Variants in RBFOX1 observed in about 807,000 individuals in gnomAD.
RBFOX1 encodes the protein RNA binding fox-1 homolog 1, also known as RNA binding protein fox-1 homolog 1.
In RBFOX1, 8 loss-of-function variants were observed where a neutral mutation model predicts 57.7. The ratio of observed to expected loss-of-function variants is 0.14; its 90% confidence interval spans 0.08 to 0.25. The LOEUF (loss-of-function observed/expected upper bound fraction) is 0.25. Among genes scored for constraint, RBFOX1 ranks in the 10% least tolerant of loss-of-function variants. RBFOX1 has a pLI of 1.00. For synonymous variants in RBFOX1, 326 were observed against 222.4 expected, an observed-to-expected ratio of 1.47 and a Z score of -4.15; for missense variants, 611 against 548.5, an observed-to-expected ratio of 1.11 and a Z score of -1.14.
chr16:6,046,541 C>T (rs371695438), intron 1 of RBFOX1, among the ~76,000 whole-genome samples: 2 of 152,162 alleles, frequency 1.3e-5, no homozygotes, highest in South Asian at 4.2e-4. Context: ...GGGGCTATTC[C>T]TATATTCATA....
intron 2 of RBFOX1, among the ~76,000 whole-genome samples, chr16:5,546,907 A>G (rs2045230886): frequency 1.3e-5 from 2 of 152,338 alleles, no homozygotes; most frequent in African/African-American, 4.8e-5. Context: ...TCAAAACTCG[A>G]TAATAAGACA....
intron 1 of RBFOX1, among the ~76,000 whole-genome samples, chr16:5,456,692 T>C (rs2068640191): frequency 6.6e-6 from 1 of 152,178 alleles, no homozygotes; most frequent in Admixed American, 6.6e-5. Context: ...TGGATACCTC[T>C]CTTCTCTTGA....
chr16:5,515,425 G>A (rs553739435), intron 2 of RBFOX1, among the ~76,000 whole-genome samples: 3 of 152,224 alleles, frequency 2.0e-5, no homozygotes, highest in African/African-American at 7.2e-5. Flanking sequence ...GGGGCAGATT[G>A]TTTGTGAAGA....
At chr16:7,400,040 G>C (rs1032425058) in intron 4 of RBFOX1, among the ~76,000 whole-genome samples, 2 of 152,088 alleles carry the variant, frequency 1.3e-5, no homozygotes, top group Admixed American at 6.6e-5. Context: ...GGCCTTCTCT[G>C]ATTTATTGAT....
chr16:7,596,851 G>C (rs914313211), intron 8 of RBFOX1, among the ~76,000 whole-genome samples: 1 of 152,128 alleles, frequency 6.6e-6, no homozygotes, highest in Non-Finnish European at 1.5e-5. Flanking sequence ...CGATGTAAAA[G>C]GCTCTTGTTC....
chr16:6,612,204 G>A (rs960261652), intron 2 of RBFOX1, among the ~76,000 whole-genome samples: 3 of 152,090 alleles, frequency 2.0e-5, no homozygotes, highest in Admixed American at 6.5e-5. Flanking sequence ...CTCAGGGTAA[G>A]TTTAGCTTTA....
intron 10 of RBFOX1, among the ~76,000 whole-genome samples, chr16:7,623,407 C>G (rs2059603876): frequency 6.6e-6 from 1 of 152,142 alleles, no homozygotes. Flanking sequence ...TGTAACTAGA[C>G]AGTCCTGTCT....
intron 1 of RBFOX1, among the ~76,000 whole-genome samples, chr16:5,289,874 G>T (rs923335876): frequency 6.6e-6 from 1 of 152,222 alleles, no homozygotes; most frequent in Non-Finnish European, 1.5e-5. Flanking sequence ...TTCTACTCCA[G>T]TTTATGAAAG....
At chr16:6,752,867 A>C (rs2075181361) in intron 3 of RBFOX1, among the ~76,000 whole-genome samples, 1 of 151,108 alleles carries the variant, frequency 6.6e-6, no homozygotes, top group African/African-American at 2.4e-5. Flanking sequence ...CTCTCTGCTC[A>C]CATATTGCAG....
chr16:6,871,405 C>G (rs151300220), intron 3 of RBFOX1, among the ~76,000 whole-genome samples: 74 of 152,198 alleles, frequency 4.9e-4, no homozygotes, highest in Non-Finnish European at 8.2e-4. Context: ...AGGCTGGTCT[C>G]AAACTCCTGA....
At chr16:6,843,007 T>C (rs1179379353) in intron 3 of RBFOX1, among the ~76,000 whole-genome samples, 2 of 152,186 alleles carry the variant, frequency 1.3e-5, no homozygotes, top group Admixed American at 1.3e-4. Context: ...GATCTCATTC[T>C]TTTTTATGGC....
intron 3 of RBFOX1, among the ~76,000 whole-genome samples, chr16:5,833,916 G>T (rs953489803): frequency 2.0e-5 from 3 of 152,158 alleles, no homozygotes; most frequent in Non-Finnish European, 2.9e-5. Flanking sequence ...CCATACTAGG[G>T]TGGAAGAGGA....
chr16:6,288,814 G>A (rs2077161498), intron 1 of RBFOX1, among the ~76,000 whole-genome samples: 2 of 152,108 alleles, frequency 1.3e-5, no homozygotes, highest in Admixed American at 1.3e-4. Context: ...TGTGTTTTTA[G>A]TAATACCTGC....
chr16:5,473,417 T>G (rs1328630812), intron 2 of RBFOX1, among the ~76,000 whole-genome samples: 2 of 152,174 alleles, frequency 1.3e-5, no homozygotes, highest in Admixed American at 1.3e-4. Flanking sequence ...TTTCTTTTTT[T>G]CTTTTTTGCA....
At chr16:7,688,262 A>T (rs56381922) in intron 14 of RBFOX1, among the ~76,000 whole-genome samples, 16,594 of 137,402 alleles carry the variant, frequency 0.12, 992 homozygotes, top group African/African-American at 0.14. Context: ...TGTGTGTGTG[A>T]GAGAGAGAGA....
chr16:6,454,551 C>G (rs1245540574), intron 2 of RBFOX1, among the ~76,000 whole-genome samples: 1 of 152,054 alleles, frequency 6.6e-6, no homozygotes, highest in Non-Finnish European at 1.5e-5. Flanking sequence ...GAGTGAGACA[C>G]CTTCTCAAAA....
chr16:5,719,911 A>C (rs149193103), intron 3 of RBFOX1, among the ~76,000 whole-genome samples: 1 of 152,248 alleles, frequency 6.6e-6, no homozygotes, highest in South Asian at 2.1e-4. Context: ...TTCTCTCGAA[A>C]GTATATTTAG....
Position 7,217,207 on chromosome 16 carries a change from A to T in RBFOX1, c.27+165109A>T, listed in dbSNP as rs1456613425. Among the ~76,000 whole-genome samples the T allele has an allele frequency of 2.7e-5, 4 of 150,520 alleles. No individual in the cohort carries two copies. The East Asian group carries it at 7.8e-4, about 30-fold the overall frequency. On this transcript the variant is annotated intron_variant, in intron 4 of 15. Transcript: ENST00000550418. Reference sequence around the variant, plus strand: ...GCAACCTCCGCCTTCCGGATTGAAGAGATTCTCCTCCCACAGCAGGAGTAG... The same window carrying T: ...GCAACCTCCGCCTTCCGGATTGAAGTGATTCTCCTCCCACAGCAGGAGTAG...
intron 3 of RBFOX1, among the ~76,000 whole-genome samples, chr16:6,767,988 A>AGAAGAAGAAGAAGAAGAAG (rs2077648513): frequency 6.6e-6 from 1 of 150,400 alleles, no homozygotes; most frequent in African/African-American, 2.4e-5. Flanking sequence ...AAGAAGAAGA[A>AGAAGAAGAAGAAGAAGAAG]ATTATGGAGA....
Sources: gnomAD v4.1 joint callset for allele counts (sites outside exome capture counted in the v4.1 genomes callset) on GRCh38, gnomAD v4.1.1 for gene constraint, MANE v1.5 for transcripts, NCBI Gene and HGNC (gene_info 2026-07-23, HGNC 2026-07-21) for gene names.